Variants in ARID4A observed in about 807,000 individuals in gnomAD.
ARID4A encodes the protein AT-rich interaction domain 4A, also known as AT-rich interactive domain-containing protein 4A.
In ARID4A, 39 loss-of-function variants were observed where a neutral mutation model predicts 148.6. The ratio of observed to expected loss-of-function variants is 0.26; its 90% CI spans 0.20 to 0.34. The LOEUF is 0.34. Ranked by LOEUF, ARID4A falls within the 10% of genes least tolerant of loss-of-function variation. The probability of loss-of-function intolerance (pLI) is 1.00; values close to 1 mark genes in which losing one functional copy is unlikely to be tolerated. For synonymous variants in ARID4A, 475 were observed against 481.2 expected (o/e 0.99, Z 0.17); for missense variants, 1,265 against 1,449.1 (o/e 0.87, Z 2.06).
chr14:58,302,220 G>A (rs4520767), intron 3 of ARID4A, among the ~76,000 whole-genome samples: 106,209 of 151,190 alleles, frequency 0.7, 37,668 homozygotes, highest in Middle Eastern at 0.87. Context: ...TAGACCCGGC[G>A]CGGTGACTCA....
chr14:58,317,783 C>T (rs1468009017), intron 5 of ARID4A, among the ~76,000 whole-genome samples: 3 of 151,698 alleles, frequency 2.0e-5, no homozygotes, highest in Admixed American at 1.3e-4. Context: ...CAGGCATGAG[C>T]CACCACGCCT....
intron 5 of ARID4A, among the ~76,000 whole-genome samples, chr14:58,313,392 G>A (rs1287266432): frequency 3.3e-5 from 5 of 152,120 alleles, no homozygotes; most frequent in African/African-American, 4.8e-5. Context: ...TAGATCCCTC[G>A]CTTGTGCAGT....
At chr14:58,339,050 A>G (rs1371981204) in intron 11 of ARID4A, among the ~76,000 whole-genome samples, 1 of 147,660 alleles carries the variant, frequency 6.8e-6, no homozygotes, top group Non-Finnish European at 1.5e-5. Flanking sequence ...CTGCAGCCTC[A>G]ACTTTCCAGG....
At chr14:58,330,294 T>G in intron 11 of ARID4A, 125 bp downstream of exon 11, 1 of 1,352,698 alleles carries the variant, frequency 7.4e-7, no homozygotes, top group Non-Finnish European at 9.9e-7. Context: ...CTAGCATTGC[T>G]TAATTTGGGT....
chr14:58,334,228 T>C (rs1566693454), intron 11 of ARID4A, among the ~76,000 whole-genome samples: 1 of 152,190 alleles, frequency 6.6e-6, no homozygotes, highest in Non-Finnish European at 1.5e-5. Context: ...TCATATGATA[T>C]AGTTGACTTG....
chr14:58,333,659 AT>A (rs2033651668), intron 11 of ARID4A, among the ~76,000 whole-genome samples: 1 of 152,224 alleles, frequency 6.6e-6, no homozygotes, highest in East Asian at 1.9e-4. Context: ...ATTGTAAAAA[AT>A]CATAAGTACT....
intron 19 of ARID4A, among the ~76,000 whole-genome samples, chr14:58,362,366 A>T (rs530948155): frequency 6.0e-4 from 92 of 152,242 alleles, no homozygotes; most frequent in Non-Finnish European, 9.1e-4. Flanking sequence ...AGGCAAAAGG[A>T]TCACTTGAGC....
chr14:58,361,174 A>G, intron 19 of ARID4A, 132 bp downstream of exon 19: 1 of 1,372,556 alleles, frequency 7.3e-7, no homozygotes, highest in Non-Finnish European at 9.6e-7. Flanking sequence ...CATTGTGTGA[A>G]ATATTCACAG....
At chr14:58,365,650 T>C in intron 21 of ARID4A, 28 bp downstream of exon 21, 2 of 1,580,314 alleles carry the variant, frequency 1.3e-6, no homozygotes, top group Non-Finnish European at 1.7e-6. Context: ...CTAGCTTTTG[T>C]ATAGTGTTAG....
chr14:58,317,061 C>T (rs1594883912), intron 5 of ARID4A, among the ~76,000 whole-genome samples: 1 of 149,416 alleles, frequency 6.7e-6, no homozygotes. Flanking sequence ...GGCGTGGTGA[C>T]GTGTGCCTGT....
At chr14:58,367,518 A>G (rs2035408899) in intron 23 of ARID4A, among the ~76,000 whole-genome samples, 1 of 152,260 alleles carries the variant, frequency 6.6e-6, no homozygotes, top group Non-Finnish European at 1.5e-5. Context: ...AAGTACAGAA[A>G]TGAGTTAGAT....
intron 15 of ARID4A, among the ~76,000 whole-genome samples, chr14:58,350,100 T>TAA (rs758927898): frequency 7.3e-4 from 61 of 83,758 alleles, no homozygotes; most frequent in African/African-American, 1.2e-3. Context: ...GACTCTGTCT[T>TAA]AAAAAAAAAA....
intron 13 of ARID4A, 109 bp downstream of exon 13, chr14:58,346,614 A>G (rs2034376801): frequency 1.4e-6 from 1 of 707,104 alleles, no homozygotes; most frequent in African/African-American, 1.9e-5. Context: ...TTTCTTAATG[A>G]ACATAGAATA....
intron 5 of ARID4A, among the ~76,000 whole-genome samples, chr14:58,316,980 C>T (rs1237674974): frequency 6.6e-6 from 1 of 151,238 alleles, no homozygotes; most frequent in African/African-American, 2.4e-5. Flanking sequence ...ATCACAAGGT[C>T]GGGAGATGGA....
Position 58,359,116 on chromosome 14 carries a change from T to TC in ARID4A, c.1854-16_1854-15insC, listed in dbSNP as rs2035017859. The TC allele has an allele frequency of 2.6e-6, 4 of 1,524,814 alleles. No individual in the cohort carries two copies. The highest frequency in any genetic ancestry group is 3.5e-6 in the Non-Finnish European group (4 of 1,144,090). 94.5% of individuals were successfully genotyped at this position (1,524,814 alleles called of 1,614,324 possible). A position where few individuals can be genotyped will look rare whatever the true frequency, so the allele number is the denominator to read the frequency against. The stretch of plus-strand genomic sequence containing the variant: ...AAAGTTTGTACAAACTCTTTTTTTT[T>TC]TTTTTTTTTTTTAAGGTATGATGAG... On this transcript the variant is annotated splice_polypyrimidine_tract_variant and intron_variant, in intron 17 of 23. Transcript: ENST00000355431.
At chr14:58,320,814 A>C (rs1213213542) in intron 7 of ARID4A, among the ~76,000 whole-genome samples, 1 of 151,804 alleles carries the variant, frequency 6.6e-6, no homozygotes, top group Non-Finnish European at 1.5e-5. Flanking sequence ...TCACTGTGTT[A>C]GCCAGGATGG....
At chr14:58,323,852 T>C (rs1318367882) in intron 8 of ARID4A, among the ~76,000 whole-genome samples, 4 of 151,290 alleles carry the variant, frequency 2.6e-5, no homozygotes, top group Non-Finnish European at 5.9e-5. Flanking sequence ...TCCCTCATAA[T>C]ATGTCCAATG....
chr14:58,346,925 C>T, intron 13 of ARID4A, 95 bp from the exon 14 acceptor site: 1 of 256,302 alleles, frequency 3.9e-6, no homozygotes, highest in Non-Finnish European at 5.6e-6. Context: ...GAGACCCTGT[C>T]TCAAAAAAAA....
intron 3 of ARID4A, among the ~76,000 whole-genome samples, chr14:58,303,224 A>G (rs745438253): frequency 4.6e-5 from 7 of 152,236 alleles, no homozygotes; most frequent in Non-Finnish European, 7.3e-5. Context: ...TTTGATACAT[A>G]TAATGTATGG....
Sources: gnomAD v4.1 joint callset for allele counts (sites outside exome capture counted in the v4.1 genomes callset) on GRCh38, gnomAD v4.1.1 for gene constraint, MANE v1.5 for transcripts, NCBI Gene and HGNC (gene_info 2026-07-23, HGNC 2026-07-21) for gene names.